Variants in ESD observed in about 807,000 individuals in gnomAD.
ESD encodes the protein esterase D, also known as S-formylglutathione hydrolase.
In ESD, 34 loss-of-function variants were observed where a neutral mutation model predicts 38.1. The ratio of observed to expected loss-of-function variants is 0.89; its 90% confidence interval spans 0.68 to 1.19. ESD has a LOEUF of 1.19. ESD is among the 50% of genes most tolerant of loss of function. ESD has a pLI of 0.00. For missense variants in ESD, 334 were observed against 327.2 expected (o/e 1.02, Z -0.16); for synonymous variants, 97 against 107.0 (o/e 0.91, Z 0.58).
intron 1 of ESD, among the ~76,000 whole-genome samples, chr13:46,793,833 GATCT>G (rs572736546): frequency 2.0e-4 from 30 of 152,280 alleles, no homozygotes; most frequent in African/African-American, 7.2e-4. Context: ...GAGGAAGATG[GATCT>G]ATCTGGCTCA....
chr13:46,794,161 A>C (rs1045198087), intron 1 of ESD, among the ~76,000 whole-genome samples: 9 of 151,446 alleles, frequency 5.9e-5, no homozygotes, highest in Middle Eastern at 3.4e-3. Flanking sequence ...CCCCTCCAAA[A>C]AACAACAACA....
At chr13:46,783,355 T>C (rs1875078787) in intron 5 of ESD, among the ~76,000 whole-genome samples, 1 of 151,974 alleles carries the variant, frequency 6.6e-6, no homozygotes, top group African/African-American at 2.4e-5. Context: ...TTTTAACTTG[T>C]TACATTTTAT....
chr13:46,790,541 C>G (rs952264717), intron 3 of ESD: 3 of 152,206 alleles, frequency 2.0e-5, no homozygotes, highest in Non-Finnish European at 2.9e-5. Flanking sequence ...CACAATCCCA[C>G]TAATTGTGTC....
chr13:46,794,713 C>T (rs915212898), intron 1 of ESD, among the ~76,000 whole-genome samples: 1 of 152,082 alleles, frequency 6.6e-6, no homozygotes, highest in Non-Finnish European at 1.5e-5. Flanking sequence ...TGGCTCTTAA[C>T]AACCTAGACA....
chr13:46,772,206 T>A (rs749177464), intron 9 of ESD, among the ~76,000 whole-genome samples: 1 of 152,078 alleles, frequency 6.6e-6, no homozygotes, highest in Non-Finnish European at 1.5e-5. Context: ...GCAAATTAGG[T>A]AAAAAGTCAG....
At chr13:46,788,094 T>A (rs960885427) in intron 3 of ESD, among the ~76,000 whole-genome samples, 13 of 152,056 alleles carry the variant, frequency 8.5e-5, no homozygotes, top group African/African-American at 2.9e-4. Context: ...TAAGAAGTTA[T>A]AAATGCTATT....
At chr13:46,772,627 C>A (rs1457466350) in intron 9 of ESD, among the ~76,000 whole-genome samples, 1 of 152,150 alleles carries the variant, frequency 6.6e-6, no homozygotes, top group Non-Finnish European at 1.5e-5. Flanking sequence ...GTGGGTTGTT[C>A]CCCTCCATAT....
chr13:46,795,750 TTTC>T (rs1351460104), intron 1 of ESD, among the ~76,000 whole-genome samples: 12 of 146,720 alleles, frequency 8.2e-5, no homozygotes, highest in East Asian at 6.4e-4. Context: ...CAGTCTTTTT[TTTC>T]TTCTTTTTTT....
chr13:46,784,368 T>C lies in ESD; in HGVS notation c.158-18A>G, dbSNP rs746373695. ...AGTTAAACCTGAAGATAAAAAATATTGTTATTGGGCACACATGGACATGAA... is the reference window on the plus strand; with the variant it reads ...AGTTAAACCTGAAGATAAAAAATATCGTTATTGGGCACACATGGACATGAA... On this transcript the variant is annotated intron_variant, in intron 4 of 9. Coordinates refer to ENST00000378720, the MANE Select transcript of ESD (RefSeq NM_001984.2). 2.2e-5 allele frequency: 34 copies of C among 1,533,610 alleles called. No homozygotes were observed. Among genetic ancestry groups the C allele is most frequent in the Non-Finnish European group, 2.6e-5 (29 of 1,112,096 alleles).
In ESD at chr13:46,777,477, G is replaced by A. The variant is rs750621427; in HGVS notation, c.747C>T (p.Pro249=). 2.5e-5 allele frequency: 40 copies of A among 1,604,006 alleles called. No homozygotes were observed. Among genetic ancestry groups the A allele is most frequent in the Non-Finnish European group, 2.4e-5 (28 of 1,173,958 alleles). ...FIAACTEKKI[P]VVFRLQEGYD... is the part of the protein sequence containing the mutation. ...TTGCCTCTTGCAATCGAAAAACAAC[G>A]GGGATTTTCTTTTCTGTACAGGCAG... The change falls in exon 9 of 10, where the codon CCC becomes CCT. Residue 249 remains proline (P), a synonymous_variant. Transcript: ENST00000378720.
chr13:46,790,123 T>TA (rs1875345428), intron 3 of ESD, among the ~76,000 whole-genome samples: 1 of 151,944 alleles, frequency 6.6e-6, no homozygotes. Flanking sequence ...ATTACAGGTG[T>TA]AAGTCACCAC....
intron 1 of ESD, among the ~76,000 whole-genome samples, chr13:46,796,772 C>G (rs138160583): frequency 6.6e-6 from 1 of 152,214 alleles, no homozygotes; most frequent in African/African-American, 2.4e-5. Flanking sequence ...CACATTTTCG[C>G]GCGGTGGCTG....
chr13:46,787,390 A>G (rs1478215147), intron 3 of ESD, among the ~76,000 whole-genome samples: 1 of 151,984 alleles, frequency 6.6e-6, no homozygotes, highest in Non-Finnish European at 1.5e-5. Context: ...AATGTAATTC[A>G]TTGTGGCATT....
chr13:46,783,188 TCTCA>T (rs1467738100), intron 5 of ESD, among the ~76,000 whole-genome samples: 23 of 151,918 alleles, frequency 1.5e-4, no homozygotes, highest in African/African-American at 5.1e-4. Context: ...GATGACCCTC[TCTCA>T]CTATCAGCAC....
At chr13:46,777,674 G>A (rs372869959) in intron 8 of ESD, 51 bp from the exon 9 acceptor site, 229 of 1,432,542 alleles carry the variant, frequency 1.6e-4, no homozygotes, top group Non-Finnish European at 1.6e-4. Context: ...TACTCTTCAG[G>A]ATATACTATA....
At chr13:46,781,208 T>C (rs1593406427) in intron 7 of ESD, among the ~76,000 whole-genome samples, 2 of 151,590 alleles carry the variant, frequency 1.3e-5, no homozygotes, top group South Asian at 4.1e-4. Context: ...AGAAAAAAAG[T>C]GTGTTCAAAA....
intron 5 of ESD, 114 bp from the exon 6 acceptor site, chr13:46,782,905 T>C: frequency 7.8e-7 from 1 of 1,288,856 alleles, no homozygotes; most frequent in East Asian, 2.4e-5. Context: ...TCACCAAATG[T>C]TGTGAGCTCT....
chr13:46,775,427 T>C lies in ESD; in HGVS notation c.768+2029A>G, dbSNP rs186680372. 590 of 262,088 alleles carry C rather than the reference T, an allele frequency of 2.3e-3. 1 individual carries two copies. The highest frequency in any genetic ancestry group is 4.8e-3 in the Admixed American group (93 of 19,380). The allele number at this position is 262,088 out of a possible 1,614,324, so 16.2% of individuals were successfully genotyped here. On this transcript the variant is annotated intron_variant, in intron 9 of 9. Transcript: ENST00000378720. ...TATTCTTTCTCAGATCGTTTATTTATATATATCCCCTATTATTTTCAGCTT... is the reference window on the plus strand; with the variant it reads ...TATTCTTTCTCAGATCGTTTATTTACATATATCCCCTATTATTTTCAGCTT...
At chr13:46,785,956 T>C in intron 4 of ESD, among the ~76,000 whole-genome samples, 1 of 151,980 alleles carries the variant, frequency 6.6e-6, no homozygotes, top group Non-Finnish European at 1.5e-5. Context: ...CTCTGGACTG[T>C]GAGTCAGAAA....
Sources: gnomAD v4.1 joint callset for allele counts (sites outside exome capture counted in the v4.1 genomes callset) on GRCh38, gnomAD v4.1.1 for gene constraint, MANE v1.5 for transcripts, NCBI Gene and HGNC (gene_info 2026-07-23, HGNC 2026-07-21) for gene names.